DNAH9: variants seen among roughly 807,000 people sequenced by gnomAD.
DNAH9 encodes the protein dynein axonemal heavy chain 9.
DNAH9 carries 345 observed loss-of-function variants against 471.6 expected under a neutral mutation model. The ratio of observed to expected loss-of-function variants is 0.73; its 90% CI spans 0.67 to 0.80. The LOEUF (loss-of-function observed/expected upper bound fraction) is 0.80, where lower values mean the gene tolerates loss of function less well. Among genes scored for constraint, DNAH9 ranks in the 30% least tolerant of loss-of-function variants. The probability of loss-of-function intolerance (pLI) is 0.00; values close to 1 mark genes in which losing one functional copy is unlikely to be tolerated. For missense variants in DNAH9, 5,407 were observed against 5,609.2 expected, an observed-to-expected ratio of 0.96 and a Z score of 1.15; for synonymous variants, 2,093 against 2,123.6, an observed-to-expected ratio of 0.99 and a Z score of 0.40.
chr17:11,702,028 A>G (rs1215564779), intron 24 of DNAH9, among the ~76,000 whole-genome samples: 1 of 152,312 alleles, frequency 6.6e-6, no homozygotes, highest in Middle Eastern at 3.4e-3. Context: ...CTGGGAGCAT[A>G]CAGATAGTTC....
intron 48 of DNAH9, among the ~76,000 whole-genome samples, chr17:11,832,457 G>A (rs1407178476): frequency 6.6e-6 from 1 of 152,180 alleles, no homozygotes; most frequent in East Asian, 1.9e-4. Context: ...ATTTACAATT[G>A]CATCTTTGTC....
rs766740965 is a variant in DNAH9 at position 11,962,020 on chromosome 17, G to T, written c.12997G>T (p.Ala4333Ser). The T allele has an allele frequency of 1.2e-6, 2 of 1,614,154 alleles. No homozygotes were observed. The highest frequency in any genetic ancestry group is 1.7e-6 in the Non-Finnish European group (2 of 1,180,030). ...DLLNRIKELE[A>S]WTGDFTMPST... ...CCTCAACAGAATCAAGGAGCTAGAG[G>T]CTTGGACGGGTGACTTTACAATGCC... is the stretch of plus-strand genomic sequence containing the variant. The change falls in exon 68 of 69, where the codon GCT becomes TCT. Residue 4333 changes from alanine to serine, a missense_variant. Around this residue, in one of 3 missense-constraint regions of DNAH9, gnomAD observed 4,636 missense variants for 4,900.3 expected, o/e 0.95. Coordinates refer to ENST00000262442, the MANE Select transcript of DNAH9 (RefSeq NM_001372.4). The surrounding 1 kb of genome is among the most constrained non-coding windows in gnomAD (Gnocchi z 4.1).
chr17:11,703,628 C>G (rs55956166), intron 24 of DNAH9, among the ~76,000 whole-genome samples: 412 of 152,300 alleles, frequency 2.7e-3, no homozygotes, highest in African/African-American at 9.7e-3. Context: ...TTTTTAATCT[C>G]TGAAAATGCA....
At chr17:11,882,847 G>A (rs1403923922) in intron 55 of DNAH9, 10 of 771,824 alleles carry the variant, frequency 1.3e-5, no homozygotes, top group Non-Finnish European at 1.6e-5. Flanking sequence ...TGGGCATAGA[G>A]CATTCCCAGC....
intron 20 of DNAH9, among the ~76,000 whole-genome samples, chr17:11,690,928 A>G (rs569280564): frequency 3.9e-5 from 6 of 152,142 alleles, no homozygotes; most frequent in Admixed American, 3.3e-4. Context: ...TTCCCCTAAA[A>G]TATGTGTTCT....
chr17:11,753,094 TCAC>T (rs1967227904), intron 33 of DNAH9, 134 bp downstream of exon 33: 3 of 674,780 alleles, frequency 4.4e-6, no homozygotes, highest in African/African-American at 3.6e-5. Flanking sequence ...ATCAGCATCT[TCAC>T]CACACATCTC....
chr17:11,801,766 G>A (rs1163803620), intron 43 of DNAH9, among the ~76,000 whole-genome samples: 1 of 152,166 alleles, frequency 6.6e-6, no homozygotes, highest in Non-Finnish European at 1.5e-5. Flanking sequence ...CCACCAGTAT[G>A]TCTGTCATAG....
chr17:11,860,491 A>G (rs895071891), intron 50 of DNAH9, among the ~76,000 whole-genome samples: 3 of 151,944 alleles, frequency 2.0e-5, no homozygotes, highest in Non-Finnish European at 4.4e-5. Context: ...AAAGTATTGA[A>G]TTCTGAGTTG....
chr17:11,667,927 G>A lies in DNAH9; in HGVS notation c.2732-1137G>A, dbSNP rs1013160926. On this transcript the variant is annotated intron_variant, in intron 15 of 68. Transcript: ENST00000262442. ...TTATTACTCTATTTCAAGGGAAGAA[G>A]ACAACGATGGATTTCAGTGAACAGG... 3.9e-5 allele frequency among the ~76,000 whole-genome samples: 6 copies of A among 152,332 alleles called. No individual in the cohort carries two copies. The East Asian group carries it at 1.2e-3, about 29-fold the overall frequency.
intron 1 of DNAH9, among the ~76,000 whole-genome samples, chr17:11,602,086 T>C (rs2072398591): frequency 1.3e-5 from 2 of 152,150 alleles, no homozygotes; most frequent in African/African-American, 4.8e-5. Context: ...TGCCAACTTA[T>C]TTTTCCTAGC....
At chr17:11,638,353 AG>A (rs1465096837) in intron 9 of DNAH9, among the ~76,000 whole-genome samples, 1 of 152,114 alleles carries the variant, frequency 6.6e-6, no homozygotes, top group African/African-American at 2.4e-5. Flanking sequence ...CCACGACCTT[AG>A]TACCTTAAAA....
chr17:11,741,280 T>C (rs954392879), intron 29 of DNAH9, among the ~76,000 whole-genome samples: 1 of 152,190 alleles, frequency 6.6e-6, no homozygotes, highest in Non-Finnish European at 1.5e-5. Flanking sequence ...TAAAATCAGA[T>C]GTTTTTAGTG....
chr17:11,806,877 A>G (rs1969707015), intron 43 of DNAH9, among the ~76,000 whole-genome samples: 2 of 152,166 alleles, frequency 1.3e-5, no homozygotes, highest in South Asian at 4.1e-4. Flanking sequence ...CACCTTGCAT[A>G]AGGTATATGC....
intron 44 of DNAH9, 72 bp from the exon 45 acceptor site, chr17:11,810,174 A>G (rs888461622): frequency 1.7e-5 from 26 of 1,503,620 alleles, no homozygotes; most frequent in Non-Finnish European, 2.1e-5. Flanking sequence ...TTCCATTTCT[A>G]AAGAATGGGT....
At chr17:11,762,770 G>GTTTGTTTGTTTTTTTTTTTTTT (rs1193246497) in intron 35 of DNAH9, among the ~76,000 whole-genome samples, 3 of 90,744 alleles carry the variant, frequency 3.3e-5, no homozygotes, top group Non-Finnish European at 6.6e-5. Flanking sequence ...TTTTTTTTTT[G>GTTTGTTTGTTTTTTTTTTTTTT]TTTTTTTTTT....
At chr17:11,859,662 G>C (rs907197139) in intron 50 of DNAH9, among the ~76,000 whole-genome samples, 1 of 152,144 alleles carries the variant, frequency 6.6e-6, no homozygotes, top group South Asian at 2.1e-4. Context: ...CGAGGCCTCA[G>C]GAAGCTTACA....
At chr17:11,801,298 G>A (rs1969449010) in intron 43 of DNAH9, among the ~76,000 whole-genome samples, 1 of 152,100 alleles carries the variant, frequency 6.6e-6, no homozygotes. Flanking sequence ...CTAATCTGAT[G>A]TGAGCTCCTT....
At chr17:11,827,428 T>G (rs374263893) in intron 48 of DNAH9, among the ~76,000 whole-genome samples, 5 of 152,162 alleles carry the variant, frequency 3.3e-5, no homozygotes, top group East Asian at 3.9e-4. Flanking sequence ...ATGGTGAGAA[T>G]GTGAGTAAGA....
intron 64 of DNAH9, among the ~76,000 whole-genome samples, chr17:11,933,530 A>G (rs1230190138): frequency 2.6e-5 from 4 of 151,710 alleles, no homozygotes; most frequent in Non-Finnish European, 5.9e-5. Context: ...ACAGGCATGC[A>G]CCACCACACC....
Sources: allele counts gnomAD v4.1 joint callset (sites outside exome capture counted in the v4.1 genomes callset), GRCh38; gene constraint gnomAD v4.1.1; regional missense constraint gnomAD v4.1.1; non-coding constraint Gnocchi (gnomAD v3.1); transcripts MANE v1.5; gene names NCBI Gene and HGNC (gene_info 2026-07-23, HGNC 2026-07-21).